DGLUCY: variants seen among roughly 807,000 people sequenced by gnomAD.
The protein encoded by DGLUCY is D-glutamate cyclase, also known as D-glutamate cyclase, mitochondrial.
In DGLUCY, 58 loss-of-function variants were observed where a neutral mutation model predicts 58.5. That is an observed-to-expected ratio of 0.99 (90% CI 0.80 to 1.23). The LOEUF (loss-of-function observed/expected upper bound fraction) is 1.23. DGLUCY is among the 50% of genes most tolerant of loss of function. The probability of loss-of-function intolerance (pLI) is 0.00; values close to 1 mark genes in which losing one functional copy is unlikely to be tolerated. For synonymous variants in DGLUCY, 325 were observed against 314.1 expected, an observed-to-expected ratio of 1.03 and a Z score of -0.37; for missense variants, 779 against 784.7, an observed-to-expected ratio of 0.99 and a Z score of 0.09.
chr14:91,149,606 A>G (rs888204717), intron 1 of DGLUCY, among the ~76,000 whole-genome samples: 1 of 152,248 alleles, frequency 6.6e-6, no homozygotes, highest in East Asian at 1.9e-4. Context: ...ACCTGCATGT[A>G]GATTTCGTGC....
upstream of DGLUCY, among the ~76,000 whole-genome samples, chr14:91,103,248 A>C (rs942240999): frequency 1.3e-5 from 2 of 152,178 alleles, no homozygotes; most frequent in Non-Finnish European, 2.9e-5. Flanking sequence ...TGAAGTTGCC[A>C]GAGAAAATTC....
intron 1 of DGLUCY, among the ~76,000 whole-genome samples, chr14:91,152,407 AT>A (rs1200772900): frequency 1.3e-5 from 2 of 152,176 alleles, no homozygotes; most frequent in East Asian, 3.8e-4. Flanking sequence ...AAGAAAAAAA[AT>A]AAAGAAAGAA....
chr14:91,171,278 G>C (rs2048561725), intron 5 of DGLUCY, among the ~76,000 whole-genome samples: 1 of 152,244 alleles, frequency 6.6e-6, no homozygotes, highest in Non-Finnish European at 1.5e-5. Flanking sequence ...CAATAACAGA[G>C]ATGTGACAAT....
rs570776028 is a variant in DGLUCY at position 91,205,943 on chromosome 14, G to A, written c.1564+1118G>A. On this transcript the variant is annotated intron_variant, in intron 12 of 13. Transcript: ENST00000256324. Reference sequence around the variant, plus strand: ...CAACCTCCGCCTCCCGGGTTAAAGCGATTCTCCTGCCTCAGCCTCCCGAGT... The same window carrying A: ...CAACCTCCGCCTCCCGGGTTAAAGCAATTCTCCTGCCTCAGCCTCCCGAGT... 4.2e-5 allele frequency among the ~76,000 whole-genome samples: 6 copies of A among 144,328 alleles called. No homozygotes were observed. In the South Asian group the frequency reaches 1.1e-3, roughly 27 times the overall value. 94.7% of individuals were successfully genotyped at this position (144,328 alleles called of 152,430 possible).
intron 12 of DGLUCY, among the ~76,000 whole-genome samples, chr14:91,211,057 A>G (rs145080318): frequency 2.0e-3 from 298 of 152,356 alleles, no homozygotes; most frequent in African/African-American, 3.6e-3. Context: ...TATGTCAGCA[A>G]TGAACAAGTG....
intron 1 of DGLUCY, among the ~76,000 whole-genome samples, chr14:91,085,409 C>T (rs187994636): frequency 1.3e-5 from 2 of 152,078 alleles, no homozygotes; most frequent in East Asian, 3.9e-4. Context: ...CCATACCCCC[C>T]ACATCTTTTT....
intron 7 of DGLUCY, among the ~76,000 whole-genome samples, chr14:91,178,320 A>T (rs1219877391): frequency 6.6e-6 from 1 of 151,990 alleles, no homozygotes; most frequent in Admixed American, 6.6e-5. Flanking sequence ...ATGCACCATC[A>T]TGTCCAGCTA....
intron 4 of DGLUCY, chr14:91,167,784 A>G: frequency 1.6e-6 from 1 of 640,716 alleles, no homozygotes; most frequent in Non-Finnish European, 2.8e-6. Context: ...CTATCTAGTA[A>G]ATGGCCCTAC....
chr14:91,167,146 A>T (rs1006060952), intron 3 of DGLUCY, 79 bp from the exon 4 acceptor site: 40 of 1,495,030 alleles, frequency 2.7e-5, no homozygotes, highest in Non-Finnish European at 3.5e-5. Flanking sequence ...CCTCAAAAAA[A>T]AAAAAAAGAA....
At chr14:91,108,698 C>T (rs1008576328) in intron 1 of DGLUCY, among the ~76,000 whole-genome samples, 8 of 152,018 alleles carry the variant, frequency 5.3e-5, no homozygotes, top group African/African-American at 1.9e-4. Flanking sequence ...CCACCATGCC[C>T]GGCTAATTTT....
chr14:91,202,609 G>A lies in DGLUCY; in HGVS notation c.1445-2097G>A, dbSNP rs528000388. Among the ~76,000 whole-genome samples, 58 of 152,184 alleles carry A rather than the reference G, an allele frequency of 3.8e-4. 1 individual carries two copies. The highest frequency in any genetic ancestry group is 1.1e-3 in the African/African-American group (46 of 41,522). ...TTGGCTTCCAGCTTCCTGTCCCTCC[G>A]GCTGGGCAGGCAGAGGACCTCAGCC... On this transcript the variant is annotated intron_variant, in intron 11 of 13. Coordinates refer to ENST00000256324, the MANE Select transcript of DGLUCY (RefSeq NM_001102368.3).
chr14:91,078,104 C>G (rs2044060685), intron 1 of DGLUCY, among the ~76,000 whole-genome samples: 1 of 152,162 alleles, frequency 6.6e-6, no homozygotes, highest in Non-Finnish European at 1.5e-5. Flanking sequence ...TCTCAGCTCA[C>G]TGCAACCTCC....
upstream of DGLUCY, among the ~76,000 whole-genome samples, chr14:91,111,290 A>ATT (rs1157386645): frequency 2.0e-3 from 126 of 62,820 alleles, 5 homozygotes; most frequent in African/African-American, 4.9e-3. Flanking sequence ...ATATATATAT[A>ATT]TTTTTTTTTG....
chr14:91,125,564 G>C (rs1315485783), intron 1 of DGLUCY: 5 of 152,172 alleles, frequency 3.3e-5, no homozygotes, highest in African/African-American at 1.2e-4. Flanking sequence ...CTCTCTGTGG[G>C]GTGACAAATG....
chr14:91,198,631 G>A (rs2050367425), intron 10 of DGLUCY, among the ~76,000 whole-genome samples: 1 of 152,210 alleles, frequency 6.6e-6, no homozygotes, highest in African/African-American at 2.4e-5. Context: ...ACCGGTATGA[G>A]CCACTGCGCC....
intron 1 of DGLUCY, chr14:91,060,716 A>G (rs916027188): frequency 1.6e-5 from 5 of 312,922 alleles, no homozygotes; most frequent in Non-Finnish European, 1.7e-5. Flanking sequence ...TAAGGGAGCC[A>G]TTCGAGCCGC....
At chr14:91,079,057 C>A (rs1214296575) in intron 1 of DGLUCY, among the ~76,000 whole-genome samples, 1 of 151,946 alleles carries the variant, frequency 6.6e-6, no homozygotes, top group East Asian at 1.9e-4. Flanking sequence ...GCACCCGCCA[C>A]CATGCCTGGC....
intron 1 of DGLUCY, among the ~76,000 whole-genome samples, chr14:91,068,377 AG>A (rs1381004947): frequency 6.6e-6 from 1 of 152,248 alleles, no homozygotes; most frequent in African/African-American, 2.4e-5. Context: ...AAAGATATAA[AG>A]ATATTGGGGG....
intron 1 of DGLUCY, among the ~76,000 whole-genome samples, chr14:91,069,220 A>G (rs757157399): frequency 9.9e-5 from 15 of 152,208 alleles, no homozygotes; most frequent in Non-Finnish European, 2.1e-4. Context: ...AGCTCCCAGC[A>G]GACAACTGTA....
Sources: allele counts gnomAD v4.1 joint callset (sites outside exome capture counted in the v4.1 genomes callset), GRCh38; gene constraint gnomAD v4.1.1; transcripts MANE v1.5; gene names NCBI Gene and HGNC (gene_info 2026-07-23, HGNC 2026-07-21).